The following PFKFB3 variants were observed in gnomAD, a reference collection of about 807,000 sequenced individuals.
The protein encoded by PFKFB3 is 6-phosphofructo-2-kinase/fructose-2,6-biphosphatase 3.
PFKFB3 carries 33 observed loss-of-function variants against 68.0 expected under a neutral mutation model. The ratio of observed to expected loss-of-function variants is 0.49; its 90% CI spans 0.37 to 0.65. PFKFB3 has a LOEUF of 0.65. Among genes scored for constraint, PFKFB3 ranks in the 30% least tolerant of loss-of-function variants. The probability of loss-of-function intolerance (pLI) is 0.00; values close to 1 mark genes in which losing one functional copy is unlikely to be tolerated. For synonymous variants in PFKFB3, 315 were observed against 288.2 expected (o/e 1.09, Z -0.94); for missense variants, 586 against 712.2 (o/e 0.82, Z 2.02).
intron 10 of PFKFB3, among the ~76,000 whole-genome samples, chr10:6,222,489 T>C (rs1845033097): frequency 6.6e-6 from 1 of 152,194 alleles, no homozygotes; most frequent in African/African-American, 2.4e-5. Context: ...CCCAGACCTG[T>C]TAGGAGCCGC....
intron 14 of PFKFB3, among the ~76,000 whole-genome samples, chr10:6,243,626 G>A (rs1846190157): frequency 6.6e-6 from 1 of 152,228 alleles, no homozygotes; most frequent in African/African-American, 2.4e-5. Flanking sequence ...CAACTTTGCA[G>A]AGCTCCTCAA....
intron 14 of PFKFB3, among the ~76,000 whole-genome samples, chr10:6,245,421 T>C (rs1050456216): frequency 4.7e-5 from 7 of 149,846 alleles, no homozygotes; most frequent in African/African-American, 1.7e-4. Flanking sequence ...ATTATTATTA[T>C]TACTATTATT....
chr10:6,231,146 G>T, intron 14 of PFKFB3: 1 of 787,794 alleles, frequency 1.3e-6, no homozygotes. Context: ...CCTGGCATTT[G>T]TGATGCAACC....
the PFKFB3 span, among the ~76,000 whole-genome samples, chr10:6,276,488 C>A: frequency 9.9e-5 from 15 of 151,944 alleles, no homozygotes; most frequent in African/African-American, 2.4e-5. Context: ...AGGATAGTTA[C>A]AGATTAATTG....
chr10:6,281,166 CATATATA>C, the PFKFB3 span, among the ~76,000 whole-genome samples: 1 of 84,510 alleles, frequency 1.2e-5, no homozygotes. Flanking sequence ...AGTATTCCAT[CATATATA>C]TATATATATA....
In PFKFB3 at chr10:6,220,571, T is replaced by TGG. The variant is rs1022780714; in HGVS notation, c.624-84_624-83dup. 8.0e-7 allele frequency: 1 copy of TGG among 1,246,748 alleles called. No individual in the cohort carries two copies. Among genetic ancestry groups the TGG allele is most frequent in the Non-Finnish European group, 1.2e-6 (1 of 858,000 alleles). The allele number at this position is 1,246,748 out of a possible 1,614,324, so 77.2% of individuals were successfully genotyped here. On this transcript the variant is annotated intron_variant, in intron 7 of 14. Transcript: ENST00000379775. This position sits in a 1 kb window ranked among gnomAD's most constrained non-coding sequence, Gnocchi z 4.1. ...CCTACGGTCCCGCCTTGCTGTTCTC[T>TGG]GGGGATCACATCTTCGGAGACGGGC...
At chr10:6,202,781 G>A (rs537234044), upstream of PFKFB3, 42 of 694,336 alleles carry the variant, frequency 6.0e-5, no homozygotes, top group South Asian at 1.9e-3. Flanking sequence ...CGGCCCGCAG[G>A]GGGAGCTCGC....
intron 1 of PFKFB3, among the ~76,000 whole-genome samples, chr10:6,173,713 A>G (rs1310337794): frequency 6.6e-6 from 1 of 151,860 alleles, no homozygotes; most frequent in Non-Finnish European, 1.5e-5. Context: ...AGAGAAGCAG[A>G]TCAGCTGCGG....
rs1349213654 is a variant in PFKFB3 at position 6,229,707 on chromosome 10, G to T, written c.1516-3188G>T. On this transcript the variant is annotated intron_variant, in intron 14 of 14. Coordinates refer to ENST00000379775, the MANE Select transcript of PFKFB3 (RefSeq NM_004566.4). The surrounding 1 kb of genome is among the most constrained non-coding windows in gnomAD (Gnocchi z 4.3). ...AACTTTTTGGACTTGGAGCCTGAAG[G>T]TTTTACATCTGTGCATGTCCTGATC... Among the ~76,000 whole-genome samples, 2 of 152,170 alleles carry T rather than the reference G, an allele frequency of 1.3e-5. No homozygotes were observed. Among genetic ancestry groups the T allele is most frequent in the African/African-American group, 2.4e-5 (1 of 41,434 alleles).
rs576866780 is a variant in PFKFB3 at position 6,206,665 on chromosome 10, C to T, written c.76+3329C>T. 8.9e-4 allele frequency among the ~76,000 whole-genome samples: 133 copies of T among 149,812 alleles called. 1 individual carries two copies. Among genetic ancestry groups the T allele is most frequent in the Middle Eastern group, 3.6e-3 (1 of 278 alleles). On this transcript the variant is annotated intron_variant, in intron 1 of 14. Transcript: ENST00000379775. The stretch of plus-strand genomic sequence containing the variant: ...CCCAGATGGGGCGGCGGGGCAGAGA[C>T]GCTCCCCACATCTCAGACGATGGGC...
downstream of PFKFB3, among the ~76,000 whole-genome samples, chr10:6,256,740 A>G (rs1037051047): frequency 3.9e-5 from 6 of 152,238 alleles, no homozygotes; most frequent in Admixed American, 3.9e-4. Context: ...ACCTGTAGGC[A>G]GAGATGGGAG....
chr10:6,260,757 A>G, the PFKFB3 span, among the ~76,000 whole-genome samples: 1 of 152,200 alleles, frequency 6.6e-6, no homozygotes, highest in Non-Finnish European at 1.5e-5. Context: ...ATTTTATTGT[A>G]TGAATATACT....
chr10:6,206,576 A>C (rs12785005), intron 1 of PFKFB3, among the ~76,000 whole-genome samples: 2 of 134,000 alleles, frequency 1.5e-5, no homozygotes, highest in African/African-American at 6.4e-5. Flanking sequence ...CTGGCCGGGC[A>C]GGGGCTGACC....
chr10:6,317,610 C>T, the PFKFB3 span, among the ~76,000 whole-genome samples: 1 of 152,122 alleles, frequency 6.6e-6, no homozygotes, highest in East Asian at 1.9e-4. Context: ...GAGCGGAAGG[C>T]ATTGGATGGG....
At chr10:6,302,373 T>TTG in the PFKFB3 span, among the ~76,000 whole-genome samples, 1 of 83,088 alleles carries the variant, frequency 1.2e-5, no homozygotes, top group African/African-American at 4.5e-5. Context: ...TTTTTTTTTT[T>TTG]TTTTTTTTTT....
the PFKFB3 span, among the ~76,000 whole-genome samples, chr10:6,300,063 G>T: frequency 1.1e-4 from 14 of 127,934 alleles, no homozygotes; most frequent in East Asian, 3.2e-3. Context: ...AATTTTTTCT[G>T]CCTTTTCAGA....
At chr10:6,231,475 C>A in intron 14 of PFKFB3, 12 of 985,290 alleles carry the variant, frequency 1.2e-5, no homozygotes, top group Non-Finnish European at 1.4e-5. Flanking sequence ...TGTCTCTCAC[C>A]CCCCACGTGT....
chr10:6,236,100 C>T (rs1846005480), downstream of PFKFB3, among the ~76,000 whole-genome samples: 1 of 152,166 alleles, frequency 6.6e-6, no homozygotes, highest in Non-Finnish European at 1.5e-5. Flanking sequence ...TTCTATACCC[C>T]TTCCCCGCGC....
At chr10:6,282,932 C>G in the PFKFB3 span, among the ~76,000 whole-genome samples, 1 of 152,128 alleles carries the variant, frequency 6.6e-6, no homozygotes, top group African/African-American at 2.4e-5. Context: ...ATTTATTTTT[C>G]TCACTCACCC....
Sources: allele counts gnomAD v4.1 joint callset (sites outside exome capture counted in the v4.1 genomes callset), GRCh38; gene constraint gnomAD v4.1.1; non-coding constraint Gnocchi (gnomAD v3.1); transcripts MANE v1.5; gene names NCBI Gene and HGNC (gene_info 2026-07-23, HGNC 2026-07-21).